Variants in ALG2 observed in about 807,000 individuals in gnomAD.
ALG2 encodes the protein alpha-1,3/1,6-mannosyltransferase ALG2.
A neutral mutation model predicts 30.5 loss-of-function variants in ALG2; 32 were observed. That is an observed-to-expected ratio of 1.05 (90% CI 0.79 to 1.41). The LOEUF is 1.41. Ranked by LOEUF, ALG2 falls within the 40% of genes most tolerant of loss-of-function variation. ALG2 has a pLI of 0.00. For synonymous variants in ALG2, 253 were observed against 224.8 expected, an observed-to-expected ratio of 1.13 and a Z score of -1.12; for missense variants, 574 against 526.4, an observed-to-expected ratio of 1.09 and a Z score of -0.88.
rs768131229 is a variant in ALG2, at chr9:99,221,527, C to G, written c.348+20G>C. 1.7e-4 allele frequency: 259 copies of G among 1,540,902 alleles called. No individual in the cohort carries two copies. The highest frequency in any genetic ancestry group is 2.2e-4 in the Non-Finnish European group (252 of 1,145,816). On this transcript the variant is annotated intron_variant, in intron 1 of 1. Transcript: ENST00000476832. ...ACGGCGAGGTCCGCACTCGCGCAGCCGGCCCCGCGGCCGCCTCACCTGGTC... is the reference window on the plus strand; with the variant it reads ...ACGGCGAGGTCCGCACTCGCGCAGCGGGCCCCGCGGCCGCCTCACCTGGTC...
In ALG2 at chr9:99,217,531, T is replaced by C. The variant is rs1196205771; in HGVS notation, c.*403A>G. On this transcript the variant is annotated 3_prime_UTR_variant, in exon 2 of 2. Transcript: ENST00000476832. ...GGTGGATTGAATCTGGGAACTACAA[T>C]AGCCCTGCTCTCATTATACTATGAA... 3 of 455,960 alleles carry C rather than the reference T, an allele frequency of 6.6e-6. No individual in the cohort carries two copies. The highest frequency in any genetic ancestry group is 3.1e-5 in the South Asian group (2 of 64,492). The allele number at this position is 455,960 out of a possible 1,614,324, so 28.2% of individuals were successfully genotyped here.
chr9:99,219,998 T>A (rs959169934), intron 1 of ALG2, among the ~76,000 whole-genome samples: 1 of 152,238 alleles, frequency 6.6e-6, no homozygotes, highest in African/African-American at 2.4e-5. Context: ...CATCTGCACC[T>A]ATCAGTTTGG....
rs1588620469 is a variant in ALG2, at chr9:99,221,561, C to T, written c.334G>A (p.Val112Ile). The T allele has an allele frequency of 6.5e-6, 10 of 1,544,216 alleles. No homozygotes were observed. In the East Asian group the frequency reaches 2.4e-4, roughly 38 times the overall value. Residue 112 changes from valine (V) to isoleucine (I), a missense_variant, in exon 1 of 2, where the codon GTA (valine) becomes ATA (isoleucine). By Grantham distance (29) the Val-to-Ile change is conservative (BLOSUM62 3). Transcript: ENST00000476832. ...GGCCGCCTCACCTGGTCGCACACTACCACGTCGAACTCCTCGTCGGCGAGG... is the reference window on the plus strand; with the variant it reads ...GGCCGCCTCACCTGGTCGCACACTATCACGTCGAACTCCTCGTCGGCGAGG... ...LFLADEEFDV[V>I]VCDQVSACIP...
intron 1 of ALG2, among the ~76,000 whole-genome samples, chr9:99,220,251 A>T (rs573925244): frequency 8.5e-5 from 13 of 152,258 alleles, no homozygotes; most frequent in Non-Finnish European, 1.6e-4. Flanking sequence ...TACAACACTG[A>T]TCTATTCACA....
rs777372125 is a variant in ALG2 at position 99,217,008 on chromosome 9, T to C, written c.*926A>G. 2.2e-6 allele frequency: 1 copy of C among 454,104 alleles called. No homozygotes were observed. Among genetic ancestry groups the C allele is most frequent in the Non-Finnish European group, 4.4e-6 (1 of 226,790 alleles). The allele number at this position is 454,104 out of a possible 1,614,324, so 28.1% of individuals were successfully genotyped here. A position where few individuals can be genotyped will look rare whatever the true frequency, so the allele number is the denominator to read the frequency against. On this transcript the variant is annotated 3_prime_UTR_variant, in exon 2 of 2. Coordinates refer to ENST00000476832, the MANE Select transcript of ALG2 (RefSeq NM_033087.4). ...CAGTGTCACGAAAATATCAGTGTCA[T>C]GAAAAGGCTAGAGTACATGGAGGGG...
Position 99,217,486 on chromosome 9 carries a change from C to T in ALG2, c.*448G>A. On this transcript the variant is annotated 3_prime_UTR_variant, in exon 2 of 2. Coordinates refer to ENST00000476832, the MANE Select transcript of ALG2 (RefSeq NM_033087.4). Reference sequence around the variant, plus strand: ...GACAGGACAAACAAAAATTCCCTAACAGATGACAGTGAACACTTCGGTGGA... The same window carrying T: ...GACAGGACAAACAAAAATTCCCTAATAGATGACAGTGAACACTTCGGTGGA... 1 of 454,782 alleles carries T rather than the reference C, an allele frequency of 2.2e-6. No individual in the cohort carries two copies. Among genetic ancestry groups the T allele is most frequent in the Non-Finnish European group, 4.4e-6 (1 of 227,040 alleles). 28.2% of individuals were successfully genotyped at this position (454,782 alleles called of 1,614,324 possible).
At chr9:99,220,190 T>A (rs971028313) in intron 1 of ALG2, among the ~76,000 whole-genome samples, 1 of 152,254 alleles carries the variant, frequency 6.6e-6, no homozygotes, top group African/African-American at 2.4e-5. Flanking sequence ...AAACGACATA[T>A]TTGCAGAAGT....
chr9:99,216,762 A>G lies in ALG2; in HGVS notation c.*1172T>C. 1 of 453,892 alleles carries G rather than the reference A, an allele frequency of 2.2e-6. No individual in the cohort carries two copies. The highest frequency in any genetic ancestry group is 4.4e-6 in the Non-Finnish European group (1 of 226,674). The allele number at this position is 453,892 out of a possible 1,614,324, so 28.1% of individuals were successfully genotyped here. A position where few individuals can be genotyped will look rare whatever the true frequency, so the allele number is the denominator to read the frequency against. ...ATGAGGAAAGTAGAATAGTACAATTATCTCACTTTGCAGATGAAGAAGCTG... is the reference window on the plus strand; with the variant it reads ...ATGAGGAAAGTAGAATAGTACAATTGTCTCACTTTGCAGATGAAGAAGCTG... On this transcript the variant is annotated 3_prime_UTR_variant, in exon 2 of 2. Coordinates refer to ENST00000476832, the MANE Select transcript of ALG2 (RefSeq NM_033087.4).
In ALG2 at chr9:99,216,959, A is replaced by G. The variant is rs752478970; in HGVS notation, c.*975T>C. ...CTGTTTATGATTTGCTGTTAGACCA[A>G]CAGGTAAACAGTGAACTATAAGTCA... is the stretch of plus-strand genomic sequence containing the variant. On this transcript the variant is annotated 3_prime_UTR_variant, in exon 2 of 2. Coordinates refer to ENST00000476832, the MANE Select transcript of ALG2 (RefSeq NM_033087.4). 29 of 454,038 alleles carry G rather than the reference A, an allele frequency of 6.4e-5. No homozygotes were observed. Among genetic ancestry groups the G allele is most frequent in the Middle Eastern group, 6.8e-4 (1 of 1,466 alleles). The allele number at this position is 454,038 out of a possible 1,614,324, so 28.1% of individuals were successfully genotyped here. A position where few individuals can be genotyped will look rare whatever the true frequency, so the allele number is the denominator to read the frequency against.
rs1375223072 is a variant in ALG2, at chr9:99,221,791, TCCA to T, written c.101_103del (p.Leu34_Asp35delinsTyr). 9.4e-6 allele frequency: 15 copies of T among 1,597,944 alleles called. No homozygotes were observed. The highest frequency in any genetic ancestry group is 1.2e-5 in the Non-Finnish European group (14 of 1,179,374). On this transcript the variant is annotated inframe_deletion, in exon 1 of 2. Transcript: ENST00000476832. ...GCGCGCCTGCAGCGCCAGCGCCGCG[TCCA>T]ACACCAGCCGCTCAGCGCCGCCCAC...
chr9:99,221,319 C>A (rs1339702488), intron 1 of ALG2, among the ~76,000 whole-genome samples: 1 of 152,332 alleles, frequency 6.6e-6, no homozygotes, highest in Middle Eastern at 3.4e-3. Context: ...CACCTCAGGG[C>A]ACCTGGATGA....
In ALG2 at chr9:99,218,139, G is replaced by C. The variant is rs780561725; in HGVS notation, c.1046C>G (p.Pro349Arg). The C allele has an allele frequency of 6.8e-6, 11 of 1,611,284 alleles. No homozygotes were observed. In the South Asian group the frequency reaches 1.1e-4, roughly 16 times the overall value. Reference sequence around the variant, plus strand: ...GACACTGTGGTCAATGGACTCCAAGGGTCCACCCGAATTAACAGCAATGAC... The same window carrying C: ...GACACTGTGGTCAATGGACTCCAAGCGTCCACCCGAATTAACAGCAATGAC... ...CPVIAVNSGG[P>R]LESIDHSVTG... The change falls in exon 2 of 2, where the codon CCC (proline) becomes CGC (arginine). Residue 349 changes from proline to arginine, a missense_variant. Pro to Arg is a moderately radical substitution (Grantham distance 103, BLOSUM62 -2). Transcript: ENST00000476832.
chr9:99,217,757 T>C lies in ALG2; in HGVS notation c.*177A>G. The stretch of plus-strand genomic sequence containing the variant: ...AATGATTATAGCATAAAAGACATGG[T>C]TTTTCTGAAAAGTGGACAGGGAGGT... On this transcript the variant is annotated 3_prime_UTR_variant, in exon 2 of 2. Coordinates refer to ENST00000476832, the MANE Select transcript of ALG2 (RefSeq NM_033087.4). 1.3e-6 allele frequency: 1 copy of C among 761,270 alleles called. No individual in the cohort carries two copies. Among genetic ancestry groups the C allele is most frequent in the Non-Finnish European group, 2.3e-6 (1 of 441,590 alleles). The allele number at this position is 761,270 out of a possible 1,614,324, so 47.2% of individuals were successfully genotyped here.
Position 99,218,271 on chromosome 9 carries a change from T to C in ALG2, c.914A>G (p.Asp305Gly). 2 of 1,614,220 alleles carry C rather than the reference T, an allele frequency of 1.2e-6. No homozygotes were observed. The highest frequency in any genetic ancestry group is 1.7e-6 in the Non-Finnish European group (2 of 1,180,028). ...QYVTFLRSFS[D>G]KQKISLLHSC... ...GTGGAGGAGGGAGATTTTCTGTTTG[T>C]CTGAGAAAGACCTCAAGAAGGTCAC... The change falls in exon 2 of 2, where the codon GAC becomes GGC. Residue 305 changes from aspartate to glycine, a missense_variant. Coordinates refer to ENST00000476832, the MANE Select transcript of ALG2 (RefSeq NM_033087.4).
chr9:99,218,893 C>A, intron 1 of ALG2, 57 bp from the exon 2 acceptor site: 1 of 1,588,398 alleles, frequency 6.3e-7, no homozygotes, highest in Non-Finnish European at 8.5e-7. Flanking sequence ...TCAACCAAAC[C>A]AAAAACACAG....
rs898947973 is a variant in ALG2, at chr9:99,218,784, A to G, written c.401T>C (p.Leu134Pro). ...CAGATCTGGGAAGTGACAGTAAAATAGGATCTTCTTCCGCCGTCTAGCCAG... is the reference window on the plus strand; with the variant it reads ...CAGATCTGGGAAGTGACAGTAAAATGGGATCTTCTTCCGCCGTCTAGCCAG... ...FRLARRRKKI[L>P]FYCHFPDLLL... Residue 134 changes from leucine (L) to proline (P), a missense_variant, in exon 2 of 2, where the codon CTA (leucine) becomes CCA (proline). Physicochemically the swap from Leu to Pro is moderately conservative, Grantham distance 98 (BLOSUM62 -3). Transcript: ENST00000476832. 20 of 1,612,258 alleles carry G rather than the reference A, an allele frequency of 1.2e-5. No individual in the cohort carries two copies. Among genetic ancestry groups the G allele is most frequent in the Non-Finnish European group, 1.7e-5 (20 of 1,180,026 alleles).
intron 1 of ALG2, 67 bp downstream of exon 1, chr9:99,221,480 G>A (rs1352798770): frequency 6.7e-7 from 1 of 1,486,456 alleles, no homozygotes; most frequent in Non-Finnish European, 9.1e-7. Context: ...TCTCTCAGGG[G>A]TCATGCCCGC....
Position 99,218,179 on chromosome 9 carries a change from A to G in ALG2, c.1006T>C (p.Tyr336His). The G allele has an allele frequency of 6.2e-7, 1 of 1,613,512 alleles. No homozygotes were observed. Among genetic ancestry groups the G allele is most frequent in the Non-Finnish European group, 8.5e-7 (1 of 1,179,446 alleles). ...ACAGCAATGACTGGGCACTGCATGT[A>G]CATGGCTTCCAGAGGGACAATGCCA... Reference protein sequence around the residue: ...HFGIVPLEAMYMQCPVIAVNS... With the variant: ...HFGIVPLEAMHMQCPVIAVNS... Residue 336 changes from tyrosine to histidine, a missense_variant, in exon 2 of 2, where the codon TAC (tyrosine) becomes CAC (histidine). By Grantham distance (83) the Tyr-to-His change is moderately conservative. Transcript: ENST00000476832.
chr9:99,220,770 ACTT>A (rs976608173), intron 1 of ALG2, among the ~76,000 whole-genome samples: 1 of 152,262 alleles, frequency 6.6e-6, no homozygotes, highest in African/African-American at 2.4e-5. Context: ...TGTCACCACA[ACTT>A]CTGAAAAAAT....
Sources: allele counts gnomAD v4.1 joint callset (sites outside exome capture counted in the v4.1 genomes callset), GRCh38; gene constraint gnomAD v4.1.1; transcripts MANE v1.5; gene names NCBI Gene and HGNC (gene_info 2026-07-23, HGNC 2026-07-21).